Variants in SERPINB7 observed in about 807,000 individuals in gnomAD.
SERPINB7 encodes the protein serpin B7.
In SERPINB7, 31 loss-of-function variants were observed where a neutral mutation model predicts 37.4. That is an observed-to-expected ratio of 0.83 (90% CI 0.62 to 1.12). SERPINB7 has a LOEUF of 1.12. SERPINB7 is among the 50% of genes most tolerant of loss of function. The pLI, the probability that SERPINB7 is intolerant of heterozygous loss-of-function variation, is 0.00. For missense variants in SERPINB7, 521 were observed against 455.3 expected (o/e 1.14, Z -1.31); for synonymous variants, 163 against 166.1 (o/e 0.98, Z 0.14).
intron 1 of SERPINB7, among the ~76,000 whole-genome samples, chr18:63,776,217 C>G (rs904414644): frequency 1.3e-5 from 2 of 151,892 alleles, no homozygotes; most frequent in Non-Finnish European, 2.9e-5. Flanking sequence ...AATGTAGCTA[C>G]ATAAAGATGA....
chr18:63,754,880 CTTTTTTTTTTTT>C (rs71162676), intron 1 of SERPINB7, among the ~76,000 whole-genome samples: 12 of 57,978 alleles, frequency 2.1e-4, no homozygotes, highest in Admixed American at 5.9e-4. Flanking sequence ...AAACTGAGGT[CTTTTTTTTTTTT>C]TTTTTTTTTT....
chr18:63,784,841 A>G (rs1408295638), intron 2 of SERPINB7, among the ~76,000 whole-genome samples: 2 of 152,174 alleles, frequency 1.3e-5, no homozygotes, highest in African/African-American at 4.8e-5. Flanking sequence ...TTTTAATGCA[A>G]CAGAAGACAC....
At chr18:63,793,377 TG>T in intron 4 of SERPINB7, 100 bp downstream of exon 4, 1 of 569,620 alleles carries the variant, frequency 1.8e-6, no homozygotes, top group Non-Finnish European at 3.1e-6. Flanking sequence ...AAGATGGTTT[TG>T]TTTCTCATTG....
At chr18:63,783,884 G>T (rs1322321938) in intron 2 of SERPINB7, among the ~76,000 whole-genome samples, 1 of 152,086 alleles carries the variant, frequency 6.6e-6, no homozygotes, top group Non-Finnish European at 1.5e-5. Flanking sequence ...CCATTTATGG[G>T]ATAATTTAAG....
chr18:63,759,948 C>T lies in SERPINB7; in HGVS notation c.-19+6828C>T, dbSNP rs186224008. On this transcript the variant is annotated intron_variant, in intron 1 of 7. Coordinates refer to the SERPINB7 transcript ENST00000336429. ...GTCTCAGGTATGTCTTTATCAGCAG[C>T]GTGAAAACAGACTAATACAGTAAAT... Among the ~76,000 whole-genome samples, 50 of 152,156 alleles carry T rather than the reference C, an allele frequency of 3.3e-4. No individual in the cohort carries two copies. The East Asian group carries it at 7.5e-3, about 23-fold the overall frequency.
intron 7 of SERPINB7, among the ~76,000 whole-genome samples, chr18:63,803,345 A>T (rs1269583300): frequency 6.6e-6 from 1 of 152,180 alleles, no homozygotes; most frequent in African/African-American, 2.4e-5. Flanking sequence ...GATTGTATAA[A>T]TTTAGGTCCT....
upstream of SERPINB7, among the ~76,000 whole-genome samples, chr18:63,770,874 C>CACACACAA (rs1491376924): frequency 0.022 from 22 of 980 alleles, no homozygotes; most frequent in East Asian, 0.19. Flanking sequence ...TCTGCACATG[C>CACACACAA]ACACACACAC....
intron 1 of SERPINB7, among the ~76,000 whole-genome samples, chr18:63,755,781 C>T (rs1431542292): frequency 6.6e-6 from 1 of 151,956 alleles, no homozygotes; most frequent in African/African-American, 2.4e-5. Flanking sequence ...GTAGTCCCAG[C>T]TGCTTGGAAG....
At chr18:63,785,491 G>C (rs1389015559) in intron 2 of SERPINB7, among the ~76,000 whole-genome samples, 1 of 152,066 alleles carries the variant, frequency 6.6e-6, no homozygotes, top group African/African-American at 2.4e-5. Context: ...AGTTATCTTA[G>C]CTCCAAAAGG....
At chr18:63,764,407 T>C (rs2049169790) in intron 1 of SERPINB7, among the ~76,000 whole-genome samples, 1 of 152,148 alleles carries the variant, frequency 6.6e-6, no homozygotes, top group Non-Finnish European at 1.5e-5. Context: ...GGAACTCAGG[T>C]TTCTGCTTAT....
intron 7 of SERPINB7, among the ~76,000 whole-genome samples, chr18:63,801,333 G>T (rs1023855732): frequency 4.6e-5 from 7 of 152,106 alleles, no homozygotes; most frequent in African/African-American, 1.7e-4. Flanking sequence ...AGTCTTCTAC[G>T]TGTCATTGAA....
intron 1 of SERPINB7, among the ~76,000 whole-genome samples, chr18:63,777,098 C>T (rs2049256259): frequency 6.6e-6 from 1 of 152,082 alleles, no homozygotes. Context: ...TACAACCCTA[C>T]TTCTCTTGAG....
chr18:63,776,942 C>G (rs2049254812), intron 1 of SERPINB7, among the ~76,000 whole-genome samples: 1 of 152,062 alleles, frequency 6.6e-6, no homozygotes, highest in Non-Finnish European at 1.5e-5. Context: ...ACGCATCTCT[C>G]TCTCTGATAG....
rs375817246 is a variant in SERPINB7 at position 63,760,211 on chromosome 18, C to T, written c.-19+7091C>T. ...ATGGAGATGAGGAACTTGTTGGGAA[C>T]TGGAGCAAAGGTGACTCTTGTTATG... On this transcript the variant is annotated intron_variant, in intron 1 of 7. Transcript: ENST00000336429. 6.6e-5 allele frequency among the ~76,000 whole-genome samples: 10 copies of T among 152,316 alleles called. No individual in the cohort carries two copies. In the East Asian group the frequency reaches 1.5e-3, roughly 24 times the overall value.
At chr18:63,785,848 C>G (rs1453164314) in intron 2 of SERPINB7, among the ~76,000 whole-genome samples, 1 of 148,354 alleles carries the variant, frequency 6.7e-6, no homozygotes, top group Non-Finnish European at 1.5e-5. Flanking sequence ...ACTTACTCCT[C>G]TCTTCTCTCA....
chr18:63,785,967 A>T (rs1270929054), intron 2 of SERPINB7, among the ~76,000 whole-genome samples: 1 of 143,138 alleles, frequency 7.0e-6, no homozygotes, highest in Non-Finnish European at 1.5e-5. Flanking sequence ...ATATACACAT[A>T]TATAATATAC....
intron 1 of SERPINB7, among the ~76,000 whole-genome samples, chr18:63,763,375 T>C (rs2049164760): frequency 1.3e-5 from 2 of 152,226 alleles, no homozygotes; most frequent in African/African-American, 2.4e-5. Flanking sequence ...TCTGCTGTTA[T>C]TATGTAACTA....
At chr18:63,768,951 A>G (rs2049195210) in intron 1 of SERPINB7, among the ~76,000 whole-genome samples, 1 of 152,160 alleles carries the variant, frequency 6.6e-6, no homozygotes, top group African/African-American at 2.4e-5. Flanking sequence ...CTAGTATTCC[A>G]TTGTTTGGCT....
intron 4 of SERPINB7, among the ~76,000 whole-genome samples, chr18:63,795,342 C>A (rs2049475496): frequency 6.6e-6 from 1 of 152,062 alleles, no homozygotes; most frequent in Admixed American, 6.6e-5. Context: ...GGGAGGATCA[C>A]CTGAGGTCAG....
Sources: allele counts gnomAD v4.1 joint callset (sites outside exome capture counted in the v4.1 genomes callset), GRCh38; gene constraint gnomAD v4.1.1; transcripts MANE v1.5; gene names NCBI Gene and HGNC (gene_info 2026-07-23, HGNC 2026-07-21).